MYZAP: variants seen among roughly 807,000 people sequenced by gnomAD.
MYZAP encodes the protein GRINL1A complex locus upstream.
Under a neutral mutation model 69.4 loss-of-function variants are expected in MYZAP, and 66 were observed. That is an observed-to-expected ratio of 0.95 (90% CI 0.78 to 1.17). The LOEUF is 1.17. MYZAP is among the 50% of genes most tolerant of loss of function. MYZAP has a pLI of 0.00. For missense variants in MYZAP, 611 were observed against 556.2 expected, an observed-to-expected ratio of 1.10 and a Z score of -0.99; for synonymous variants, 256 against 205.9, an observed-to-expected ratio of 1.24 and a Z score of -2.09.
intron 10 of MYZAP, among the ~76,000 whole-genome samples, chr15:57,642,656 A>T (rs1003308830): frequency 6.6e-6 from 1 of 152,138 alleles, no homozygotes; most frequent in Non-Finnish European, 1.5e-5. Context: ...TTTTTAAATG[A>T]TGGGCTTCTT....
At chr15:57,674,083 A>G (rs1286056020) in intron 11 of MYZAP, among the ~76,000 whole-genome samples, 1 of 152,226 alleles carries the variant, frequency 6.6e-6, no homozygotes, top group Admixed American at 6.5e-5. Context: ...ACTTTTTAAA[A>G]AGCATCCCAG....
At chr15:57,613,210 G>A (rs2035221845) in intron 2 of MYZAP, among the ~76,000 whole-genome samples, 1 of 152,142 alleles carries the variant, frequency 6.6e-6, no homozygotes, top group East Asian at 1.9e-4. Flanking sequence ...GGGATTACAG[G>A]CATGAGCCAC....
intron 1 of MYZAP, chr15:57,599,609 TGCCTTTCA>T: frequency 7.8e-7 from 1 of 1,289,144 alleles, no homozygotes; most frequent in Non-Finnish European, 1.0e-6. Context: ...GTGCCCTACC[TGCCTTTCA>T]GGCACTGCCA....
chr15:57,632,961 G>A (rs1002764405), intron 7 of MYZAP, among the ~76,000 whole-genome samples: 10 of 152,020 alleles, frequency 6.6e-5, no homozygotes, highest in African/African-American at 1.9e-4. Flanking sequence ...CTCTCTCCAT[G>A]CCTGGAGTCT....
chr15:57,638,773 A>G (rs1256588480), intron 9 of MYZAP, among the ~76,000 whole-genome samples: 1 of 152,226 alleles, frequency 6.6e-6, no homozygotes, highest in East Asian at 1.9e-4. Flanking sequence ...AATAAAGGAT[A>G]TGTAGAGCAA....
chr15:57,646,520 A>G lies in MYZAP; in HGVS notation c.1119+6975A>G, dbSNP rs2037454996. 3.9e-6 allele frequency: 4 copies of G among 1,025,402 alleles called. No homozygotes were observed. In the African/African-American group the frequency reaches 5.2e-5, roughly 13 times the overall value. 63.5% of individuals were successfully genotyped at this position (1,025,402 alleles called of 1,614,324 possible). On this transcript the variant is annotated intron_variant, in intron 10 of 12. Coordinates refer to ENST00000267853, the MANE Select transcript of MYZAP (RefSeq NM_001018100.5). ...ACTGAAAAACCATTCAGAAAGATCC[A>G]GGTGGAGGCTTGGAAGATGAATCCT... is the stretch of plus-strand genomic sequence containing the variant.
At chr15:57,619,474 C>T (rs571534754) in intron 3 of MYZAP, among the ~76,000 whole-genome samples, 1 of 152,286 alleles carries the variant, frequency 6.6e-6, no homozygotes, top group African/African-American at 2.4e-5. Context: ...CTTCCCCACC[C>T]TCAAGTGATC....
At chr15:57,613,641 G>T (rs939391157) in intron 2 of MYZAP, among the ~76,000 whole-genome samples, 32 of 151,830 alleles carry the variant, frequency 2.1e-4, no homozygotes, top group African/African-American at 7.3e-4. Context: ...AAAGTGCTGG[G>T]ATTATAAGCA....
At chr15:57,671,642 T>C (rs1203905534) in intron 11 of MYZAP, among the ~76,000 whole-genome samples, 1 of 152,180 alleles carries the variant, frequency 6.6e-6, no homozygotes, top group Non-Finnish European at 1.5e-5. Flanking sequence ...ACTGACTTTT[T>C]CCTTTACCAT....
In MYZAP at chr15:57,604,312, C is replaced by T; in HGVS notation, c.119C>T (p.Pro40Leu). 3 of 1,614,188 alleles carry T rather than the reference C, an allele frequency of 1.9e-6. No homozygotes were observed. The highest frequency in any genetic ancestry group is 2.2e-5 in the East Asian group (1 of 44,886). The part of the protein sequence containing the change: ...RLRLTVPPES[P>L]VPEQCEKKIE... ...CGGCTGACCGTACCTCCTGAGAGTC[C>T]AGTTCCTGAGCAATGTGAAAAGAAG... is the stretch of plus-strand genomic sequence containing the variant. Residue 40 changes from proline (P) to leucine (L), a missense_variant, in exon 2 of 13, where the codon CCA (proline) becomes CTA (leucine). Pro to Leu is a moderately conservative substitution (Grantham distance 98). Coordinates refer to ENST00000267853, the MANE Select transcript of MYZAP (RefSeq NM_001018100.5).
At chr15:57,595,036 C>T (rs2033963598) in intron 1 of MYZAP, among the ~76,000 whole-genome samples, 1 of 152,194 alleles carries the variant, frequency 6.6e-6, no homozygotes, top group African/African-American at 2.4e-5. Context: ...ATATTCAAGC[C>T]AACCAGAAGT....
chr15:57,615,917 G>A (rs1288628066), intron 2 of MYZAP, among the ~76,000 whole-genome samples: 1 of 151,860 alleles, frequency 6.6e-6, no homozygotes. Context: ...AATGGTTGTA[G>A]TATTTTCTTA....
Position 57,684,256 on chromosome 15 carries a change from A to T in MYZAP, c.1305-146A>T. 4.9e-5 allele frequency: 30 copies of T among 614,876 alleles called. 1 individual carries two copies. The South Asian group carries it at 5.7e-4, about 12-fold the overall frequency. The allele number at this position is 614,876 out of a possible 1,614,324, so 38.1% of individuals were successfully genotyped here. ...AAGTCCATTGCAGGGCCTGTTTGTA[A>T]TATTTAAGTGAAATATTAAGCTGCA... On this transcript the variant is annotated intron_variant, in intron 12 of 12. Transcript: ENST00000267853.
intron 10 of MYZAP, chr15:57,647,023 A>T: frequency 1.0e-6 from 1 of 985,434 alleles, no homozygotes; most frequent in African/African-American, 1.7e-5. Flanking sequence ...GCATGAGTCT[A>T]CATAAGCTGG....
intron 11 of MYZAP, among the ~76,000 whole-genome samples, chr15:57,668,788 G>A (rs563615529): frequency 3.9e-4 from 59 of 151,412 alleles, no homozygotes; most frequent in African/African-American, 1.2e-3. Context: ...TTCTGGATTC[G>A]AGTCCTTTGT....
chr15:57,645,794 ACTT>A (rs2037413396), intron 10 of MYZAP, among the ~76,000 whole-genome samples: 1 of 152,150 alleles, frequency 6.6e-6, no homozygotes, highest in Admixed American at 6.5e-5. Context: ...CTTTGGGTAT[ACTT>A]CTCTCTTCTC....
At chr15:57,642,893 G>T (rs1171810562) in intron 10 of MYZAP, among the ~76,000 whole-genome samples, 1 of 152,194 alleles carries the variant, frequency 6.6e-6, no homozygotes, top group Non-Finnish European at 1.5e-5. Context: ...CATGGTGGGG[G>T]TGAGCCCTTT....
chr15:57,654,719 A>G (rs1221388883), intron 10 of MYZAP, among the ~76,000 whole-genome samples: 4 of 152,180 alleles, frequency 2.6e-5, no homozygotes, highest in African/African-American at 9.7e-5. Flanking sequence ...ACTGTGTCCT[A>G]CATGTTACTA....
At chr15:57,660,640 TGTGAGC>T (rs1254651308) in intron 10 of MYZAP, among the ~76,000 whole-genome samples, 5 of 152,212 alleles carry the variant, frequency 3.3e-5, no homozygotes, top group African/African-American at 7.2e-5. Flanking sequence ...GAAATAATTT[TGTGAGC>T]ACACAAATTT....
Sources: gnomAD v4.1 joint callset for allele counts (sites outside exome capture counted in the v4.1 genomes callset) on GRCh38, gnomAD v4.1.1 for gene constraint, MANE v1.5 for transcripts, NCBI Gene and HGNC (gene_info 2026-07-23, HGNC 2026-07-21) for gene names.